Variants in LTBP1 observed in about 807,000 individuals in gnomAD.
LTBP1 encodes the protein latent-transforming growth factor beta-binding protein 1.
LTBP1 carries 129 observed loss-of-function variants against 207.6 expected under a neutral mutation model. The ratio of observed to expected loss-of-function variants is 0.62; its 90% CI spans 0.54 to 0.72. The LOEUF (loss-of-function observed/expected upper bound fraction) is 0.72. Among genes scored for constraint, LTBP1 ranks in the 30% least tolerant of loss-of-function variants. The pLI is 0.00. For missense variants in LTBP1, 2,281 were observed against 2,217.2 expected (o/e 1.03, Z -0.58); for synonymous variants, 963 against 833.7 (o/e 1.16, Z -2.67).
chr2:32,975,902 A>C (rs762938124), intron 2 of LTBP1, among the ~76,000 whole-genome samples: 4 of 151,962 alleles, frequency 2.6e-5, no homozygotes, highest in Non-Finnish European at 5.9e-5. Context: ...TATGTCTGTC[A>C]TTTCAGCCAT....
intron 3 of LTBP1, among the ~76,000 whole-genome samples, chr2:33,067,250 G>C (rs34659319): frequency 0.044 from 6,694 of 152,268 alleles, 203 homozygotes; most frequent in South Asian, 0.069. Context: ...TTGGAAATTA[G>C]CTTTAGCTGC....
chr2:33,338,948 C>T (rs904772385), intron 24 of LTBP1, among the ~76,000 whole-genome samples: 9 of 151,916 alleles, frequency 5.9e-5, no homozygotes, highest in African/African-American at 1.9e-4. Context: ...ACCCTTTAGC[C>T]AAGAGGAGAT....
At chr2:32,968,578 T>C (rs1358552265) in intron 2 of LTBP1, among the ~76,000 whole-genome samples, 2 of 152,202 alleles carry the variant, frequency 1.3e-5, no homozygotes, top group African/African-American at 4.8e-5. Context: ...ACTCTGACAG[T>C]CTCTGCCTTT....
At chr2:33,273,049 A>G (rs559841487) in intron 15 of LTBP1, among the ~76,000 whole-genome samples, 13 of 152,214 alleles carry the variant, frequency 8.5e-5, no homozygotes, top group Non-Finnish European at 1.5e-4. Context: ...ATTTGGGAAA[A>G]GATTCTACTT....
At chr2:33,245,751 A>G (rs1490367557) in intron 10 of LTBP1, among the ~76,000 whole-genome samples, 1 of 152,234 alleles carries the variant, frequency 6.6e-6, no homozygotes, top group Non-Finnish European at 1.5e-5. Context: ...TCATTTTATA[A>G]TTTAAATGTA....
At chr2:33,313,407 A>G (rs1558994907) in intron 23 of LTBP1, among the ~76,000 whole-genome samples, 1 of 152,230 alleles carries the variant, frequency 6.6e-6, no homozygotes, top group African/African-American at 2.4e-5. Context: ...GAAGAGCTTC[A>G]GGAGATTCTG....
chr2:33,076,178 G>A lies in LTBP1; in HGVS notation c.864-34404G>A, dbSNP rs59237783. On this transcript the variant is annotated intron_variant, in intron 3 of 33. Coordinates refer to ENST00000404816, the MANE Select transcript of LTBP1 (RefSeq NM_206943.4). ...CTCACCAGGGAAAAATGTGACTTAC[G>A]GAAGAATCTGTGACTGGTTTTTTCC... is the stretch of plus-strand genomic sequence containing the variant. Among the ~76,000 whole-genome samples the A allele has an allele frequency of 1.4e-3, 214 of 152,250 alleles. 1 individual carries two copies. The highest frequency in any genetic ancestry group is 4.9e-3 in the African/African-American group (203 of 41,542).
intron 3 of LTBP1, among the ~76,000 whole-genome samples, chr2:33,077,128 G>A (rs2078126072): frequency 6.6e-6 from 1 of 152,176 alleles, no homozygotes; most frequent in Non-Finnish European, 1.5e-5. Context: ...GGGCCACACG[G>A]CTATGGAGAA....
intron 3 of LTBP1, among the ~76,000 whole-genome samples, chr2:33,049,322 C>G (rs897616129): frequency 6.6e-6 from 1 of 152,156 alleles, no homozygotes; most frequent in African/African-American, 2.4e-5. Context: ...TGGAAAGTTA[C>G]TAATTTTAGC....
chr2:33,173,847 C>T (rs1307834696), intron 5 of LTBP1, among the ~76,000 whole-genome samples: 1 of 144,832 alleles, frequency 6.9e-6, no homozygotes, highest in Admixed American at 7.1e-5. Context: ...AAGGCTGGTT[C>T]AATATACACA....
chr2:32,989,259 A>G (rs989712807), intron 2 of LTBP1, among the ~76,000 whole-genome samples: 1 of 152,270 alleles, frequency 6.6e-6, no homozygotes, highest in Admixed American at 6.5e-5. Flanking sequence ...AGGTGTTTCA[A>G]CACATTCAAA....
intron 3 of LTBP1, among the ~76,000 whole-genome samples, chr2:33,031,278 C>T (rs2075679804): frequency 6.6e-6 from 1 of 152,150 alleles, no homozygotes; most frequent in Non-Finnish European, 1.5e-5. Context: ...ACTACTGAAC[C>T]ATCTATAACT....
intron 24 of LTBP1, among the ~76,000 whole-genome samples, chr2:33,325,682 A>G (rs986484615): frequency 6.6e-6 from 1 of 152,366 alleles, no homozygotes; most frequent in Non-Finnish European, 1.5e-5. Flanking sequence ...ATCTTTTGTG[A>G]GTAATTGGAA....
At chr2:33,307,072 C>T (rs1030317643) in intron 22 of LTBP1, among the ~76,000 whole-genome samples, 7 of 151,570 alleles carry the variant, frequency 4.6e-5, no homozygotes, top group Admixed American at 1.3e-4. Context: ...GGCAACAGAG[C>T]GAGACTCCAT....
rs934105378 is a variant in LTBP1 at position 33,244,494 on chromosome 2, GTGTAAATTAATCCA to G, written c.1999+716_1999+729del. 4.4e-4 allele frequency among the ~76,000 whole-genome samples: 67 copies of G among 152,294 alleles called. 1 individual carries two copies. The highest frequency in any genetic ancestry group is 3.1e-4 in the Non-Finnish European group (21 of 68,034). On this transcript the variant is annotated intron_variant, in intron 10 of 33. Coordinates refer to ENST00000404816, the MANE Select transcript of LTBP1 (RefSeq NM_206943.4). Reference sequence around the variant, plus strand: ...TTCACCAAAGAGATACTCCCTCTCCGTGTAAATTAATCCATGTAATCACTACAGATCATATGCCA... The same window carrying G: ...TTCACCAAAGAGATACTCCCTCTCCGTGTAATCACTACAGATCATATGCCA...
chr2:33,268,222 G>C (rs1437449965), intron 15 of LTBP1, among the ~76,000 whole-genome samples: 2 of 152,196 alleles, frequency 1.3e-5, no homozygotes, highest in East Asian at 3.8e-4. Flanking sequence ...GTTCCCATCG[G>C]TTTCATATGG....
At chr2:33,253,141 G>C (rs2092729604) in intron 11 of LTBP1, among the ~76,000 whole-genome samples, 1 of 152,128 alleles carries the variant, frequency 6.6e-6, no homozygotes, top group African/African-American at 2.4e-5. Flanking sequence ...TAAGTGTAGA[G>C]AGACCAGAAG....
intron 23 of LTBP1, among the ~76,000 whole-genome samples, chr2:33,312,683 A>G (rs963336341): frequency 7.4e-6 from 1 of 135,734 alleles, no homozygotes; most frequent in Non-Finnish European, 1.5e-5. Flanking sequence ...AGTTTCCTGG[A>G]AAAAAAAAAA....
chr2:33,003,150 T>C (rs1249035437), intron 2 of LTBP1, among the ~76,000 whole-genome samples: 1 of 152,246 alleles, frequency 6.6e-6, no homozygotes. Context: ...ACATCGAATG[T>C]GCTTGAATGA....
Sources: gnomAD v4.1 joint callset for allele counts (sites outside exome capture counted in the v4.1 genomes callset) on GRCh38, gnomAD v4.1.1 for gene constraint, MANE v1.5 for transcripts, NCBI Gene and HGNC (gene_info 2026-07-23, HGNC 2026-07-21) for gene names.